The following SYNE4 variants were observed in gnomAD, a reference collection of about 807,000 sequenced individuals.
SYNE4 encodes nesprin-4.
In SYNE4, 41 loss-of-function variants were observed where a neutral mutation model predicts 46.9. That is an observed-to-expected ratio of 0.87 (90% CI 0.68 to 1.13). The LOEUF (loss-of-function observed/expected upper bound fraction) is 1.13, where lower values mean the gene tolerates loss of function less well. Among genes scored for constraint, SYNE4 ranks in the 50% most tolerant of loss-of-function variants. The pLI, the probability that SYNE4 is intolerant of heterozygous loss-of-function variation, is 0.00. For missense variants in SYNE4, 492 were observed against 514.8 expected (o/e 0.96, Z 0.43); for synonymous variants, 221 against 219.5 (o/e 1.01, Z -0.06).
chr19:36,006,490 C>A lies in SYNE4; in HGVS notation c.800G>T (p.Arg267Leu), dbSNP rs200616477. The change falls in exon 5 of 8, where the codon CGG becomes CTG. Residue 267 changes from arginine to leucine, a missense_variant. Arg to Leu is a moderately radical substitution (Grantham distance 102, BLOSUM62 -2). Coordinates refer to ENST00000324444, the MANE Select transcript of SYNE4 (RefSeq NM_001039876.3). ...CAGCTCACAGGGCACTCCTAGTGTC[C>A]GGGCTGTCTTTTGTCCCAAGGGCCC... ...GLGPLGQKTARTLGVPCELCG... is the reference protein window; with the variant it reads ...GLGPLGQKTALTLGVPCELCG... 4 of 1,611,720 alleles carry A rather than the reference C, an allele frequency of 2.5e-6. No individual in the cohort carries two copies. The East Asian group carries it at 8.9e-5, about 36-fold the overall frequency.
chr19:36,008,224 T>G lies in SYNE4; in HGVS notation c.272A>C (p.His91Pro), dbSNP rs1261928199. ...SSYEDPAGGK[H>P]CEHPISGLEV... ...TGGGTCACCTCAGCTCACCTCACAG[T>G]GTTTGCCCCCAGCTGGGTCCTCGTA... The change falls in exon 2 of 8, where the codon CAC (histidine) becomes CCC (proline). Residue 91 changes from histidine to proline, a missense_variant. Transcript: ENST00000324444. The G allele has an allele frequency of 1.9e-6, 3 of 1,610,262 alleles. No homozygotes were observed. Among genetic ancestry groups the G allele is most frequent in the Non-Finnish European group, 2.5e-6 (3 of 1,178,120 alleles).
intron 5 of SYNE4, 153 bp downstream of exon 5, chr19:36,006,270 A>G: frequency 2.8e-6 from 3 of 1,067,322 alleles, no homozygotes; most frequent in South Asian, 2.0e-5. Flanking sequence ...GAGAGAGAGA[A>G]ACAGTGAGAT....
chr19:36,006,865 C>G lies in SYNE4; in HGVS notation c.503G>C (p.Ser168Thr). The change falls in exon 4 of 8, where the codon AGT becomes ACT. Residue 168 changes from serine (S) to threonine (T), a missense_variant. By Grantham distance (58) the Ser-to-Thr change is moderately conservative. Transcript: ENST00000324444. ...LAFGEGLAQR[S>T]EPRAWAALEQ... ...CAGGGCTGCCCAGGCCCTGGGCTCA[C>G]TCCGCTGTGCCAGCCCCTCACCAAA... The G allele has an allele frequency of 6.3e-7, 1 of 1,577,036 alleles. No individual in the cohort carries two copies. The highest frequency in any genetic ancestry group is 8.6e-7 in the Non-Finnish European group (1 of 1,162,506).
In SYNE4 at chr19:36,008,258, G is replaced by C. The variant is rs1372217162; in HGVS notation, c.238C>G (p.Pro80Ala). 6.2e-7 allele frequency: 1 copy of C among 1,610,626 alleles called. No individual in the cohort carries two copies. The highest frequency in any genetic ancestry group is 1.3e-5 in the African/African-American group (1 of 74,958). Residue 80 changes from proline (P) to alanine (A), a missense_variant, in exon 2 of 8, where the codon CCC becomes GCC. Coordinates refer to ENST00000324444, the MANE Select transcript of SYNE4 (RefSeq NM_001039876.3). ...CCAGCTGGGTCCTCGTAGGAAGAGGGTGTTGACCATCTCGGGGGGTGAGCG... is the reference window on the plus strand; with the variant it reads ...CCAGCTGGGTCCTCGTAGGAAGAGGCTGTTGACCATCTCGGGGGGTGAGCG... ...PAAHPPRWST[P>A]SSYEDPAGGK...
rs1207952944 is a variant in SYNE4 at position 36,003,465 on chromosome 19, G to A, written c.1087C>T (p.Leu363Phe). ...PLTFLLILFL[L>F]FLLLVGAMFL... ...ATGGCACCCACCAGGAGGAGGAAGA[G>A]GAGGAAGAGGATAAGGAGGAAGGTC... Residue 363 changes from leucine (L) to phenylalanine (F), a missense_variant, in exon 8 of 8, where the codon CTC (leucine) becomes TTC (phenylalanine). By Grantham distance (22) the Leu-to-Phe change is conservative. Coordinates refer to ENST00000324444, the MANE Select transcript of SYNE4 (RefSeq NM_001039876.3). 3.7e-6 allele frequency: 6 copies of A among 1,611,344 alleles called. No homozygotes were observed. The African/African-American group carries it at 8.0e-5, about 22-fold the overall frequency.
Position 36,008,556 on chromosome 19 carries a change from C to G in SYNE4, c.126G>C (p.Thr42=). 6.2e-7 allele frequency: 1 copy of G among 1,613,716 alleles called. No homozygotes were observed. Among genetic ancestry groups the G allele is most frequent in the East Asian group, 2.2e-5 (1 of 44,888 alleles). The stretch of plus-strand genomic sequence containing the variant: ...GCTTCCAAAGCCCCGGCCCCCACCT[C>G]GTGCTCTCCTCTCCGGACGCGGGGC... The part of the protein sequence containing the change: ...TVCPASGEES[T]SPEQAQTLGQ... Residue 42 remains threonine (T), a splice_region_variant and synonymous_variant, in exon 1 of 8, where the codon ACG becomes ACC. Coordinates refer to ENST00000324444, the MANE Select transcript of SYNE4 (RefSeq NM_001039876.3).
chr19:36,007,268 G>A lies in SYNE4; in HGVS notation c.280C>T (p.His94Tyr). ...AGTACCTCCAGGCCAGAAATGGGGTGCTGGGGAACACAGGAGCCAGGTCAG... is the reference window on the plus strand; with the variant it reads ...AGTACCTCCAGGCCAGAAATGGGGTACTGGGGAACACAGGAGCCAGGTCAG... ...EDPAGGKHCEHPISGLEVLEA... is the reference protein window; with the variant it reads ...EDPAGGKHCEYPISGLEVLEA... The change falls in exon 3 of 8, where the codon CAC (histidine) becomes TAC (tyrosine). Residue 94 changes from histidine (H) to tyrosine (Y), a missense_variant and splice_region_variant. By Grantham distance (83) the His-to-Tyr change is moderately conservative (BLOSUM62 2). Transcript: ENST00000324444. 1 of 1,596,566 alleles carries A rather than the reference G, an allele frequency of 6.3e-7. No homozygotes were observed. Among genetic ancestry groups the A allele is most frequent in the South Asian group, 1.1e-5 (1 of 88,054 alleles).
intron 2 of SYNE4, among the ~76,000 whole-genome samples, chr19:36,007,735 G>C (rs1481130185): frequency 1.3e-5 from 2 of 151,142 alleles, no homozygotes; most frequent in East Asian, 3.9e-4. Context: ...TAATAAAAAA[G>C]AAATATGGCT....
rs13344146 is a variant in SYNE4 at position 36,008,384 on chromosome 19, G to A, written c.129-17C>T. ...TGCTCTGGGCTAGGAGGCAGGGGGC[G>A]GTGACTGGGTGAGTCTCGACACCTC... On this transcript the variant is annotated splice_polypyrimidine_tract_variant and intron_variant, in intron 1 of 7. Coordinates refer to ENST00000324444, the MANE Select transcript of SYNE4 (RefSeq NM_001039876.3). The A allele has an allele frequency of 9.8e-4, 1,529 of 1,556,626 alleles. 16 individuals are homozygous for A. The African/African-American group carries it at 0.018, about 18-fold the overall frequency.
chr19:36,006,210 G>A, intron 5 of SYNE4: 3 of 651,166 alleles, frequency 4.6e-6, no homozygotes, highest in Non-Finnish European at 2.4e-6. Context: ...GGGGGCCTCA[G>A]GATAGGAGTG....
intron 5 of SYNE4, 193 bp from the exon 6 acceptor site, chr19:36,005,630 A>G (rs1164923608): frequency 3.4e-6 from 2 of 584,252 alleles, no homozygotes; most frequent in Non-Finnish European, 6.0e-6. Flanking sequence ...CAAGCCAGGA[A>G]CTGTTCTAGG....
rs556547320 is a variant in SYNE4 at position 36,006,537 on chromosome 19, C to G, written c.753G>C (p.Pro251=). ...LPTSTELEWD[P]AGDIGGLGPL... is the part of the protein sequence containing the mutation. ...GCCCAAGGCCCCCAATGTCCCCCGC[C>G]GGATCCCACTCCAACTCTGTGGAAG... The change falls in exon 5 of 8, where the codon CCG becomes CCC. Residue 251 remains proline, a synonymous_variant. Transcript: ENST00000324444. 1 of 1,607,102 alleles carries G rather than the reference C, an allele frequency of 6.2e-7. No individual in the cohort carries two copies. The highest frequency in any genetic ancestry group is 2.2e-5 in the East Asian group (1 of 44,566).
At position 36,006,220 on chromosome 19, in the gene SYNE4, G is replaced by A. The variant is rs145917357; in HGVS notation, c.867+203C>T. The A allele has an allele frequency of 1.6e-4, 115 of 713,640 alleles. No individual in the cohort carries two copies. The African/African-American group carries it at 1.9e-3, about 12-fold the overall frequency. 44.2% of individuals were successfully genotyped at this position (713,640 alleles called of 1,614,324 possible). A position where few individuals can be genotyped will look rare whatever the true frequency, so the allele number is the denominator to read the frequency against. ...CATCTGGGGGCCTCAGGATAGGAGT[G>A]AATTTGAGATGGGGCTTGAGGATGT... On this transcript the variant is annotated intron_variant, in intron 5 of 7. Transcript: ENST00000324444.
rs1296324691 is a variant in SYNE4, at chr19:36,006,626, C to G, written c.664G>C (p.Gly222Arg). 2 of 1,610,096 alleles carry G rather than the reference C, an allele frequency of 1.2e-6. No individual in the cohort carries two copies. Residue 222 changes from glycine (G) to arginine (R), a missense_variant, in exon 5 of 8, where the codon GGA becomes CGA. By Grantham distance (125) the Gly-to-Arg change is moderately radical. Transcript: ENST00000324444. Reference protein sequence around the residue: ...NTLDQDLEVEGDSDWPGPGGV... With the variant: ...NTLDQDLEVERDSDWPGPGGV... ...CCAGGTCCTGGCCAGTCCGAGTCTCCCTCGACCTCCAAGTCCTGGTCCAGC... is the reference window on the plus strand; with the variant it reads ...CCAGGTCCTGGCCAGTCCGAGTCTCGCTCGACCTCCAAGTCCTGGTCCAGC...
Position 36,008,711 on chromosome 19 carries a change from T to G in SYNE4, c.-30A>C, listed in dbSNP as rs751908905. On this transcript the variant is annotated 5_prime_UTR_variant, in exon 1 of 8. Coordinates refer to ENST00000324444, the MANE Select transcript of SYNE4 (RefSeq NM_001039876.3). Reference sequence around the variant, plus strand: ...GGGGGCCTGGGGACACAAAGTCAGGTGAGGGCAGCCAGTAAGACCTCTTCC... The same window carrying G: ...GGGGGCCTGGGGACACAAAGTCAGGGGAGGGCAGCCAGTAAGACCTCTTCC... The G allele has an allele frequency of 1.9e-6, 3 of 1,590,176 alleles. No individual in the cohort carries two copies.
Position 36,008,295 on chromosome 19 carries a change from G to A in SYNE4, c.201C>T (p.Gly67=). 1 of 1,592,696 alleles carries A rather than the reference G, an allele frequency of 6.3e-7. No homozygotes were observed. Among genetic ancestry groups the A allele is most frequent in the Non-Finnish European group, 8.6e-7 (1 of 1,168,728 alleles). The change falls in exon 2 of 8, where the codon GGC becomes GGT. Residue 67 remains glycine, a synonymous_variant. Coordinates refer to ENST00000324444, the MANE Select transcript of SYNE4 (RefSeq NM_001039876.3). ...PPEHFQGGPR[G]NEPAAHPPRW... ...TCGGGGGGTGAGCGGCAGGCTCATT[G>A]CCCCTTGGCCCACCCTGGAAGTGCT...
rs748326281 is a variant in SYNE4 at position 36,006,748 on chromosome 19, A to G, written c.618+2T>C. The G allele has an allele frequency of 1.2e-6, 2 of 1,606,552 alleles. No individual in the cohort carries two copies. Among genetic ancestry groups the G allele is most frequent in the Non-Finnish European group, 1.7e-6 (2 of 1,176,230 alleles). On this transcript the variant is annotated splice_donor_variant, in intron 4 of 7. Coordinates refer to ENST00000324444, the MANE Select transcript of SYNE4 (RefSeq NM_001039876.3). LOFTEE classifies it high-confidence loss of function. Reference sequence around the variant, plus strand: ...GGTGGGGGGTATCAAGATGGGCCCTACCAGGCTGTAGCTGACCAGCTGGGC... The same window carrying G: ...GGTGGGGGGTATCAAGATGGGCCCTGCCAGGCTGTAGCTGACCAGCTGGGC...
chr19:36,005,403 A>G lies in SYNE4; in HGVS notation c.902T>C (p.Leu301Pro). ...ADTSHSRQDM[L>P]ESGLGHQKRL... ...TTTCTGGTGGCCGAGGCCAGACTCC[A>G]GCATGTCCTGTCGGGAGTGAGAGGT... Residue 301 changes from leucine (L) to proline (P), a missense_variant, in exon 6 of 8, where the codon CTG (leucine) becomes CCG (proline). Physicochemically the swap from Leu to Pro is moderately conservative, Grantham distance 98. Transcript: ENST00000324444. 6.2e-7 allele frequency: 1 copy of G among 1,614,090 alleles called. No homozygotes were observed. Among genetic ancestry groups the G allele is most frequent in the Non-Finnish European group, 8.5e-7 (1 of 1,179,994 alleles).
chr19:36,003,716 C>T, intron 6 of SYNE4, 45 bp from the exon 7 acceptor site: 2 of 1,591,130 alleles, frequency 1.3e-6, no homozygotes, highest in East Asian at 2.3e-5. Context: ...AGAAATGATG[C>T]TTTATTTGTT....
Sources: allele counts gnomAD v4.1 joint callset (sites outside exome capture counted in the v4.1 genomes callset), GRCh38; gene constraint gnomAD v4.1.1; transcripts MANE v1.5; gene names NCBI Gene and HGNC (gene_info 2026-07-23, HGNC 2026-07-21).